CIROZ: variants seen among roughly 807,000 people sequenced by gnomAD.
CIROZ encodes ciliated left-right organizer ZP-N domains-containing protein.
chr1:10,959,993 C>A, the CIROZ span, among the ~76,000 whole-genome samples: 2 of 152,198 alleles, frequency 1.3e-5, no homozygotes, highest in East Asian at 3.9e-4. This position sits in a 1 kb window ranked among gnomAD's most constrained non-coding sequence, Gnocchi z 4.3. Context: ...ACCAAAGCTG[C>A]ACCATGGTGC....
chr1:10,964,805 A>G, the CIROZ span, among the ~76,000 whole-genome samples: 64 of 152,018 alleles, frequency 4.2e-4, no homozygotes, highest in Admixed American at 4.2e-3. Flanking sequence ...TAATTTTTGT[A>G]TTTTTAGTAG....
At chr1:10,948,829 A>G in the CIROZ span, 5 of 1,511,100 alleles carry the variant, frequency 3.3e-6, no homozygotes, top group Admixed American at 1.1e-4. Context: ...GTTTGCAGGA[A>G]TGGTCCAAGC....
the CIROZ span, chr1:10,957,127 C>A: frequency 6.5e-7 from 1 of 1,540,696 alleles, no homozygotes; most frequent in South Asian, 1.2e-5. Context: ...AAGGGGGGTC[C>A]CCCCTGAGGT....
At chr1:10,954,511 C>T in the CIROZ span, among the ~76,000 whole-genome samples, 72 of 151,796 alleles carry the variant, frequency 4.7e-4, 1 homozygote, top group Non-Finnish European at 7.4e-5. Context: ...TTGCACATGG[C>T]AGGGGCATCC....
chr1:10,966,426 G>C, the CIROZ span: 4 of 1,536,950 alleles, frequency 2.6e-6, no homozygotes, highest in Non-Finnish European at 3.5e-6. Flanking sequence ...GCCAGATGCA[G>C]GAAGTAGCCA....
chr1:10,949,757 G>T, the CIROZ span: 1 of 1,583,856 alleles, frequency 6.3e-7, no homozygotes, highest in Non-Finnish European at 8.6e-7. Context: ...TCCTGGGGAT[G>T]GTGGGGAGGG....
chr1:10,957,591 G>T, the CIROZ span: 1 of 1,612,318 alleles, frequency 6.2e-7, no homozygotes, highest in South Asian at 1.1e-5. Flanking sequence ...TCACCTCCTG[G>T]CAGAGCCTGC....
the CIROZ span, among the ~76,000 whole-genome samples, chr1:10,972,180 A>G: frequency 6.6e-6 from 1 of 152,180 alleles, no homozygotes; most frequent in African/African-American, 2.4e-5. Flanking sequence ...AGGAAGTGGA[A>G]TCCTGTTGGA....
the CIROZ span, among the ~76,000 whole-genome samples, chr1:10,979,475 T>C: frequency 6.6e-6 from 1 of 152,062 alleles, no homozygotes; most frequent in African/African-American, 2.4e-5. Context: ...ATGTGGAGCA[T>C]TGAGAAAGCT....
the CIROZ span, among the ~76,000 whole-genome samples, chr1:10,967,217 A>G: frequency 1.3e-5 from 2 of 149,164 alleles, no homozygotes; most frequent in Non-Finnish European, 3.0e-5. Context: ...GCCTCACGTG[A>G]CCTGCCCTCA....
chr1:10,947,708 C>T, the CIROZ span: 3 of 1,543,252 alleles, frequency 1.9e-6, no homozygotes, highest in Admixed American at 2.0e-5. Flanking sequence ...TGTCTTGAAG[C>T]TCAGGAGGCC....
the CIROZ span, among the ~76,000 whole-genome samples, chr1:10,977,896 G>A: frequency 6.3e-3 from 965 of 152,162 alleles, 8 homozygotes; most frequent in Non-Finnish European, 7.7e-3. Context: ...TTTGCCAGGC[G>A]CTGTGGTTCA....
chr1:10,946,591 G>A, the CIROZ span: 1 of 152,180 alleles, frequency 6.6e-6, no homozygotes, highest in Non-Finnish European at 1.5e-5. Flanking sequence ...GGGCGTCTGG[G>A]GGTCCACCTT....
the CIROZ span, chr1:10,947,506 G>A: frequency 1.7e-6 from 1 of 586,098 alleles, no homozygotes; most frequent in Non-Finnish European, 2.6e-6. Context: ...AGCTGTGGCT[G>A]AGCACAGTGA....
the CIROZ span, chr1:10,957,645 G>A: frequency 6.2e-7 from 1 of 1,614,168 alleles, no homozygotes; most frequent in Admixed American, 1.7e-5. Flanking sequence ...CCTTGTCTCG[G>A]GCTTTGGACG....
the CIROZ span, among the ~76,000 whole-genome samples, chr1:10,952,189 T>A: frequency 6.6e-6 from 1 of 151,824 alleles, no homozygotes; most frequent in South Asian, 2.1e-4. Context: ...ATAATAAGAA[T>A]AGAAAGACCT....
the CIROZ span, chr1:10,949,659 CCCGAGAAAG>C: frequency 1.2e-6 from 2 of 1,607,172 alleles, no homozygotes; most frequent in East Asian, 2.2e-5. Context: ...TGCAGGAGGT[CCCGAGAAAG>C]CCATTCCTGG....
chr1:10,948,181 T>C, the CIROZ span: 5 of 1,613,658 alleles, frequency 3.1e-6, no homozygotes, highest in Admixed American at 5.0e-5. Flanking sequence ...GGCCCCTCTA[T>C]GTCCTGGCTT....
chr1:10,948,294 T>A, the CIROZ span: 1 of 1,613,842 alleles, frequency 6.2e-7, no homozygotes, highest in Non-Finnish European at 8.5e-7. Flanking sequence ...GCACGTTTCC[T>A]GGGGCTCTCC....
Sources: allele counts gnomAD v4.1 joint callset (sites outside exome capture counted in the v4.1 genomes callset), GRCh38; gene constraint gnomAD v4.1.1; non-coding constraint Gnocchi (gnomAD v3.1); transcripts MANE v1.5; gene names NCBI Gene and HGNC (gene_info 2026-07-23, HGNC 2026-07-21).